The following SGCZ variants were observed in gnomAD, a reference collection of about 807,000 sequenced individuals.
SGCZ encodes sarcoglycan zeta.
In SGCZ, 40 loss-of-function variants were observed where a neutral mutation model predicts 41.3. The ratio of observed to expected loss-of-function variants is 0.97; its 90% CI spans 0.75 to 1.26. The LOEUF (loss-of-function observed/expected upper bound fraction) is 1.26, where lower values mean the gene tolerates loss of function less well. SGCZ is among the 50% of genes most tolerant of loss of function. The pLI is 0.00. For synonymous variants in SGCZ, 206 were observed against 137.5 expected (o/e 1.50, Z -3.49); for missense variants, 552 against 369.8 (o/e 1.49, Z -4.04).
chr8:14,108,175 G>C lies in SGCZ; in HGVS notation c.608C>G (p.Ser203Cys). ...VETPHIRAEP[S>C]QDLRLESPTR... is the part of the protein sequence containing the mutation. Reference sequence around the variant, plus strand: ...AGGAAGCCCTTACCTGAGATCTTGGGATGGCTCTGCTCTGATGTGCGGCGT... The same window carrying C: ...AGGAAGCCCTTACCTGAGATCTTGGCATGGCTCTGCTCTGATGTGCGGCGT... The change falls in exon 6 of 8, where the codon TCC (serine) becomes TGC (cysteine). Residue 203 changes from serine to cysteine, a missense_variant. By Grantham distance (112) the Ser-to-Cys change is moderately radical (BLOSUM62 -1). Coordinates refer to ENST00000382080, the MANE Select transcript of SGCZ (RefSeq NM_139167.4). 6.2e-7 allele frequency: 1 copy of C among 1,614,004 alleles called. No homozygotes were observed. The highest frequency in any genetic ancestry group is 8.5e-7 in the Non-Finnish European group (1 of 1,179,942).
chr8:14,889,646 A>C (rs1362120333), intron 1 of SGCZ, among the ~76,000 whole-genome samples: 1 of 152,128 alleles, frequency 6.6e-6, no homozygotes, highest in Non-Finnish European at 1.5e-5. Context: ...GGATCAAAAA[A>C]ATTTGTGAAA....
At chr8:14,392,764 A>G (rs189432440) in intron 2 of SGCZ, among the ~76,000 whole-genome samples, 2 of 152,216 alleles carry the variant, frequency 1.3e-5, no homozygotes, top group Non-Finnish European at 2.9e-5. Flanking sequence ...CATATTTATC[A>G]TTAATTTTTC....
At chr8:15,227,734 C>T (rs1346687962) in intron 1 of SGCZ, among the ~76,000 whole-genome samples, 1 of 152,184 alleles carries the variant, frequency 6.6e-6, no homozygotes. Context: ...ATTTTGATGG[C>T]ATTGCACATG....
chr8:14,957,592 A>G (rs1484980367), intron 1 of SGCZ, among the ~76,000 whole-genome samples: 1 of 152,034 alleles, frequency 6.6e-6, no homozygotes, highest in Non-Finnish European at 1.5e-5. Context: ...GTCATGTTTT[A>G]CTTGAGGTAA....
intron 1 of SGCZ, among the ~76,000 whole-genome samples, chr8:14,778,822 T>A (rs1187388323): frequency 1.3e-5 from 2 of 152,134 alleles, no homozygotes; most frequent in Non-Finnish European, 2.9e-5. Flanking sequence ...AGATCAACAA[T>A]CCCAAGTGAT....
At chr8:14,864,319 T>C (rs1434559498) in intron 1 of SGCZ, among the ~76,000 whole-genome samples, 1 of 152,194 alleles carries the variant, frequency 6.6e-6, no homozygotes, top group Non-Finnish European at 1.5e-5. Flanking sequence ...ATTTGTAACT[T>C]ACTCAAAAAC....
intron 1 of SGCZ, among the ~76,000 whole-genome samples, chr8:15,170,260 C>T (rs1266967656): frequency 1.3e-5 from 2 of 152,190 alleles, no homozygotes; most frequent in Admixed American, 1.3e-4. Context: ...CATGACTTGT[C>T]TCTTCCTGCT....
intron 1 of SGCZ, among the ~76,000 whole-genome samples, chr8:15,164,859 C>T (rs949606212): frequency 9.2e-5 from 14 of 152,120 alleles, no homozygotes; most frequent in Non-Finnish European, 1.8e-4. Context: ...CAACGCTTTG[C>T]TTAGCAGTCC....
At chr8:14,607,132 C>A (rs1373240837) in intron 1 of SGCZ, among the ~76,000 whole-genome samples, 1 of 152,080 alleles carries the variant, frequency 6.6e-6, no homozygotes, top group Middle Eastern at 3.2e-3. Context: ...GGGATAATAA[C>A]TTTTATCTTG....
chr8:15,237,689 A>G lies in SGCZ; in HGVS notation c.-66T>C, dbSNP rs1802185572. The G allele has an allele frequency of 6.5e-7, 1 of 1,533,920 alleles. No homozygotes were observed. The highest frequency in any genetic ancestry group is 1.4e-5 in the African/African-American group (1 of 72,720). On this transcript the variant is annotated 5_prime_UTR_variant, in exon 1 of 8. Transcript: ENST00000382080. Reference sequence around the variant, plus strand: ...GCACCCAAAAACAATCTAGTCTTTTAGTTTCCAGCTTAAACTCAGCTTTAT... The same window carrying G: ...GCACCCAAAAACAATCTAGTCTTTTGGTTTCCAGCTTAAACTCAGCTTTAT...
chr8:14,438,319 C>A (rs548779734), intron 2 of SGCZ, among the ~76,000 whole-genome samples: 3 of 152,038 alleles, frequency 2.0e-5, no homozygotes, highest in Admixed American at 6.5e-5. Flanking sequence ...GTATTTATCA[C>A]AAATTATAAG....
chr8:14,273,138 C>T (rs145022314), intron 3 of SGCZ, among the ~76,000 whole-genome samples: 2 of 151,536 alleles, frequency 1.3e-5, no homozygotes, highest in East Asian at 1.9e-4. Flanking sequence ...TCCTCAGTGG[C>T]AATAATTCAT....
chr8:14,148,983 C>A (rs959587180), intron 5 of SGCZ, among the ~76,000 whole-genome samples: 1 of 152,070 alleles, frequency 6.6e-6, no homozygotes, highest in Non-Finnish European at 1.5e-5. Flanking sequence ...AAAAATTCCA[C>A]ATCTCTTCAT....
intron 1 of SGCZ, among the ~76,000 whole-genome samples, chr8:15,100,243 T>C (rs1448867138): frequency 9.2e-5 from 14 of 151,946 alleles, no homozygotes; most frequent in Non-Finnish European, 1.8e-4. Flanking sequence ...TGTTAAGTAA[T>C]TATAGCAAGG....
chr8:14,094,579 A>G (rs546730465), intron 7 of SGCZ, among the ~76,000 whole-genome samples: 8 of 152,286 alleles, frequency 5.3e-5, no homozygotes, highest in African/African-American at 1.9e-4. Context: ...TATTGTGAAC[A>G]GTGCCACAGT....
At chr8:14,235,646 T>C (rs1393686605) in intron 4 of SGCZ, among the ~76,000 whole-genome samples, 1 of 152,160 alleles carries the variant, frequency 6.6e-6, no homozygotes, top group Admixed American at 6.5e-5. Flanking sequence ...AAGTAGCTAT[T>C]GTGTCTGACA....
intron 2 of SGCZ, among the ~76,000 whole-genome samples, chr8:14,410,641 C>G (rs4831586): frequency 0.45 from 67,915 of 151,720 alleles, 16,592 homozygotes; most frequent in African/African-American, 0.66. Context: ...GAGAGCATTA[C>G]TACAAATACC....
At chr8:14,520,184 G>C (rs560502845) in intron 2 of SGCZ, among the ~76,000 whole-genome samples, 1 of 152,148 alleles carries the variant, frequency 6.6e-6, no homozygotes, top group African/African-American at 2.4e-5. Context: ...CACTATGTAA[G>C]AATGCATTGG....
At chr8:14,628,590 C>G (rs1806540977) in intron 1 of SGCZ, among the ~76,000 whole-genome samples, 1 of 152,018 alleles carries the variant, frequency 6.6e-6, no homozygotes, top group African/African-American at 2.4e-5. Flanking sequence ...ATTGTGTTTT[C>G]AAATGCAAGA....
Sources: allele counts gnomAD v4.1 joint callset (sites outside exome capture counted in the v4.1 genomes callset), GRCh38; gene constraint gnomAD v4.1.1; transcripts MANE v1.5; gene names NCBI Gene and HGNC (gene_info 2026-07-23, HGNC 2026-07-21).